Variants in DNAJC1 observed in about 807,000 individuals in gnomAD.
The protein encoded by DNAJC1 is DnaJ heat shock protein family (Hsp40) member C1.
In DNAJC1, 58 loss-of-function variants were observed where a neutral mutation model predicts 76.6. The observed-to-expected ratio is 0.76, with a 90% CI of 0.61 to 0.94. The LOEUF (loss-of-function observed/expected upper bound fraction) is 0.94. DNAJC1 is among the 40% of genes least tolerant of loss of function. The pLI is 0.00. For missense variants in DNAJC1, 689 were observed against 677.3 expected (o/e 1.02, Z -0.19); for synonymous variants, 258 against 267.9 (o/e 0.96, Z 0.36).
intron 9 of DNAJC1, among the ~76,000 whole-genome samples, chr10:21,791,353 A>G (rs1031190606): frequency 6.6e-6 from 1 of 152,238 alleles, no homozygotes; most frequent in Non-Finnish European, 1.5e-5. Context: ...ATCAACAACA[A>G]GAAAACACTG....
intron 9 of DNAJC1, among the ~76,000 whole-genome samples, chr10:21,770,526 T>C (rs1368205340): frequency 1.3e-5 from 2 of 151,686 alleles, no homozygotes; most frequent in African/African-American, 2.4e-5. Flanking sequence ...GCCTCACAAG[T>C]AACTGGGACT....
chr10:21,789,431 C>T (rs1442392236), intron 9 of DNAJC1, among the ~76,000 whole-genome samples: 1 of 152,106 alleles, frequency 6.6e-6, no homozygotes, highest in African/African-American at 2.4e-5. Context: ...TATTGTTTCA[C>T]AGACATCAAT....
chr10:21,844,062 T>C (rs899705687), intron 8 of DNAJC1, among the ~76,000 whole-genome samples: 9 of 152,194 alleles, frequency 5.9e-5, no homozygotes, highest in African/African-American at 1.9e-4. Flanking sequence ...CCTGCTGCCA[T>C]GTAAGATGTG....
At chr10:21,874,422 A>G (rs1450102996) in intron 8 of DNAJC1, among the ~76,000 whole-genome samples, 1 of 151,356 alleles carries the variant, frequency 6.6e-6, no homozygotes, top group Non-Finnish European at 1.5e-5. Flanking sequence ...ACAGAGTAAG[A>G]CCTGGTCTGT....
intron 8 of DNAJC1, among the ~76,000 whole-genome samples, chr10:21,809,329 G>T (rs1834929751): frequency 6.6e-6 from 1 of 151,656 alleles, no homozygotes; most frequent in South Asian, 2.1e-4. Context: ...CTAATAAATA[G>T]ATACTGAAAC....
chr10:21,904,406 G>GA, intron 7 of DNAJC1, 116 bp downstream of exon 7: 1 of 619,420 alleles, frequency 1.6e-6, no homozygotes, highest in East Asian at 3.2e-5. Flanking sequence ...CTAGGGAGTG[G>GA]GAAAAAAAAA....
chr10:21,934,225 A>C (rs1404839492), intron 1 of DNAJC1, among the ~76,000 whole-genome samples: 2 of 151,830 alleles, frequency 1.3e-5, no homozygotes, highest in Non-Finnish European at 2.9e-5. Context: ...AAGTAAAAAA[A>C]AAAAACTAAA....
At chr10:21,760,973 G>A (rs569214012) in intron 10 of DNAJC1, among the ~76,000 whole-genome samples, 1 of 152,230 alleles carries the variant, frequency 6.6e-6, no homozygotes, top group East Asian at 1.9e-4. Flanking sequence ...GAGGCCAGGA[G>A]TTCCAGACCA....
chr10:21,946,786 T>G (rs1837512607), intron 1 of DNAJC1, among the ~76,000 whole-genome samples: 2 of 152,172 alleles, frequency 1.3e-5, no homozygotes, highest in Admixed American at 1.3e-4. Context: ...AAAAGTAGTA[T>G]CTATCAATAA....
rs374356888 is a variant in DNAJC1 at position 21,993,227 on chromosome 10, G to A, written c.222+9986C>T. 6.8e-4 allele frequency among the ~76,000 whole-genome samples: 103 copies of A among 152,030 alleles called. No homozygotes were observed. In the South Asian group the frequency reaches 0.021, roughly 32 times the overall value. ...ACTATACACACATAAGTATATAAAT[G>A]CATACGCACACACACCTGCACCCTC... On this transcript the variant is annotated intron_variant, in intron 1 of 11. Coordinates refer to ENST00000376980, the MANE Select transcript of DNAJC1 (RefSeq NM_022365.4).
At chr10:21,923,961 A>C in intron 3 of DNAJC1, among the ~76,000 whole-genome samples, 1 of 152,078 alleles carries the variant, frequency 6.6e-6, no homozygotes, top group South Asian at 2.1e-4. Context: ...ATGAATATTT[A>C]AATAATTCTA....
chr10:21,833,409 T>A (rs1488984412), intron 8 of DNAJC1, among the ~76,000 whole-genome samples: 1 of 152,158 alleles, frequency 6.6e-6, no homozygotes, highest in Non-Finnish European at 1.5e-5. Flanking sequence ...AGGCGGAGGT[T>A]GCAGTGAGCC....
intron 8 of DNAJC1, among the ~76,000 whole-genome samples, chr10:21,875,117 G>GT (rs1836164412): frequency 6.6e-6 from 1 of 152,112 alleles, no homozygotes; most frequent in Non-Finnish European, 1.5e-5. Context: ...CTGACCTCAG[G>GT]TGATCCACCC....
At chr10:21,788,461 C>T (rs976673950) in intron 9 of DNAJC1, among the ~76,000 whole-genome samples, 1 of 152,212 alleles carries the variant, frequency 6.6e-6, no homozygotes, top group Non-Finnish European at 1.5e-5. Flanking sequence ...ACACCCTACC[C>T]TACAGGCCAA....
intron 8 of DNAJC1, among the ~76,000 whole-genome samples, chr10:21,828,747 C>T (rs189625199): frequency 2.0e-5 from 3 of 152,274 alleles, no homozygotes; most frequent in Admixed American, 6.5e-5. Flanking sequence ...AACTCAGTAA[C>T]ATTTTTGGAA....
intron 1 of DNAJC1, among the ~76,000 whole-genome samples, chr10:22,001,868 T>C (rs1444554722): frequency 2.6e-5 from 4 of 152,212 alleles, no homozygotes; most frequent in Non-Finnish European, 5.9e-5. Context: ...TTTTTACACA[T>C]ACTCCATCAT....
intron 8 of DNAJC1, among the ~76,000 whole-genome samples, chr10:21,880,965 C>T (rs1438693682): frequency 6.6e-6 from 1 of 152,204 alleles, no homozygotes; most frequent in Non-Finnish European, 1.5e-5. Flanking sequence ...GTGTAGCCAC[C>T]TTCATCAATG....
chr10:21,898,378 G>A (rs1836580716), intron 7 of DNAJC1, among the ~76,000 whole-genome samples: 1 of 151,968 alleles, frequency 6.6e-6, no homozygotes, highest in South Asian at 2.1e-4. Context: ...GATTATAATG[G>A]AGCCACTGTA....
At chr10:21,896,255 A>C (rs1440205735) in intron 7 of DNAJC1, among the ~76,000 whole-genome samples, 1 of 152,180 alleles carries the variant, frequency 6.6e-6, no homozygotes, top group East Asian at 1.9e-4. Context: ...CCAGCCTGTG[A>C]TAGCTGCTCT....
Sources: allele counts gnomAD v4.1 joint callset (sites outside exome capture counted in the v4.1 genomes callset), GRCh38; gene constraint gnomAD v4.1.1; transcripts MANE v1.5; gene names NCBI Gene and HGNC (gene_info 2026-07-23, HGNC 2026-07-21).